Variants in CEP63 observed in about 807,000 individuals in gnomAD.
CEP63 encodes the protein centrosomal protein 63.
In CEP63, 84 loss-of-function variants were observed where a neutral mutation model predicts 89.1. That is an observed-to-expected ratio of 0.94 (90% confidence interval 0.79 to 1.13). The LOEUF (loss-of-function observed/expected upper bound fraction) is 1.13, where lower values mean the gene tolerates loss of function less well. Ranked by LOEUF, CEP63 falls within the 50% of genes most tolerant of loss-of-function variation. The probability of loss-of-function intolerance (pLI) is 0.00; values close to 1 mark genes in which losing one functional copy is unlikely to be tolerated. For synonymous variants in CEP63, 267 were observed against 272.5 expected (o/e 0.98, Z 0.20); for missense variants, 838 against 813.3 (o/e 1.03, Z -0.37).
intron 6 of CEP63, among the ~76,000 whole-genome samples, chr3:134,542,551 A>G (rs926883471): frequency 2.6e-5 from 4 of 152,300 alleles, no homozygotes; most frequent in African/African-American, 9.6e-5. Context: ...GATGCTTACA[A>G]TGGCCGTACC....
intron 1 of CEP63, among the ~76,000 whole-genome samples, chr3:134,489,451 G>T (rs1936894274): frequency 6.6e-6 from 1 of 152,088 alleles, no homozygotes; most frequent in African/African-American, 2.4e-5. Context: ...AGCAGTGTCT[G>T]AGTTGTTTTC....
the CEP63 span, among the ~76,000 whole-genome samples, chr3:134,665,376 C>A: frequency 6.6e-6 from 1 of 152,192 alleles, no homozygotes; most frequent in Admixed American, 6.5e-5. Flanking sequence ...GTGGCTGTTG[C>A]ACAAGCAAGG....
At chr3:134,582,284 C>G (rs1487846782) in intron 10 of CEP63, among the ~76,000 whole-genome samples, 1 of 152,152 alleles carries the variant, frequency 6.6e-6, no homozygotes, top group Non-Finnish European at 1.5e-5. Flanking sequence ...CACCCATCAA[C>G]TCATCATTTA....
At chr3:134,709,084 A>G in the CEP63 span, among the ~76,000 whole-genome samples, 1 of 152,194 alleles carries the variant, frequency 6.6e-6, no homozygotes, top group Non-Finnish European at 1.5e-5. Flanking sequence ...TACAGATGAA[A>G]GGATATTTTT....
At chr3:134,737,825 T>G in the CEP63 span, among the ~76,000 whole-genome samples, 1 of 152,210 alleles carries the variant, frequency 6.6e-6, no homozygotes, top group Non-Finnish European at 1.5e-5. Context: ...GCTATGTTCC[T>G]CAGTTCTCCA....
the CEP63 span, among the ~76,000 whole-genome samples, chr3:134,772,797 G>A: frequency 1.3e-5 from 2 of 152,168 alleles, no homozygotes; most frequent in Admixed American, 6.5e-5. Context: ...GCTCCCAAGA[G>A]GAAGCAGAGA....
chr3:134,738,867 G>T, the CEP63 span, among the ~76,000 whole-genome samples: 5 of 151,936 alleles, frequency 3.3e-5, no homozygotes, highest in Non-Finnish European at 7.4e-5. Flanking sequence ...TATGCAAGTG[G>T]CCAAAAAGCA....
the CEP63 span, among the ~76,000 whole-genome samples, chr3:134,725,883 G>A: frequency 6.6e-6 from 1 of 152,184 alleles, no homozygotes; most frequent in African/African-American, 2.4e-5. Flanking sequence ...GGGGCTCAGA[G>A]GAGCGAGGGC....
At chr3:134,695,063 A>G in the CEP63 span, among the ~76,000 whole-genome samples, 1 of 152,236 alleles carries the variant, frequency 6.6e-6, no homozygotes, top group African/African-American at 2.4e-5. Context: ...TCCTGACCAG[A>G]TAGCACAGGG....
the CEP63 span, among the ~76,000 whole-genome samples, chr3:134,779,254 C>T: frequency 1.3e-5 from 2 of 152,308 alleles, no homozygotes; most frequent in South Asian, 4.1e-4. Flanking sequence ...CCCTACTGCT[C>T]AGCTGAATAT....
At chr3:134,608,674 G>C in the CEP63 span, 7 of 1,613,944 alleles carry the variant, frequency 4.3e-6, no homozygotes, top group African/African-American at 9.3e-5. Flanking sequence ...AAGTCTCTGG[G>C]TGGGCACTCA....
chr3:134,516,371 C>G (rs966258723), intron 3 of CEP63, among the ~76,000 whole-genome samples: 15 of 152,274 alleles, frequency 9.9e-5, no homozygotes, highest in Non-Finnish European at 1.9e-4. Context: ...GGTTTTATAC[C>G]GAGACATTCC....
rs1954473800 is a variant in CEP63 at position 134,550,106 on chromosome 3, C to T, written c.1226C>T (p.Ala409Val). 1 of 1,613,884 alleles carries T rather than the reference C, an allele frequency of 6.2e-7. No homozygotes were observed. The highest frequency in any genetic ancestry group is 8.5e-7 in the Non-Finnish European group (1 of 1,179,816). Residue 409 changes from alanine (A) to valine (V), a missense_variant, in exon 11 of 15, where the codon GCA (alanine) becomes GTA (valine). Physicochemically the swap from Ala to Val is moderately conservative, Grantham distance 64. Transcript: ENST00000675561. Reference protein sequence around the residue: ...ILQGEQSYSSALEGMKMEISH... With the variant: ...ILQGEQSYSSVLEGMKMEISH... ...CAGGGTGAACAAAGTTACAGTTCTG[C>T]ACTAGAAGGAATGAAGATGGAAATC...
chr3:134,762,019 G>T, the CEP63 span, among the ~76,000 whole-genome samples: 9 of 152,160 alleles, frequency 5.9e-5, no homozygotes. Context: ...TTTGTAGCTT[G>T]TTGGGCAGAA....
intron 2 of CEP63, 66 bp downstream of exon 2, chr3:134,495,430 CAT>C (rs1198770494): frequency 2.0e-6 from 2 of 1,025,150 alleles, no homozygotes; most frequent in African/African-American, 1.6e-5. Context: ...ATAGGGTTCA[CAT>C]GATACTTTGA....
rs572978552 is a variant in CEP63 at position 134,564,369 on chromosome 3, A to G, written c.*2834A>G. The G allele has an allele frequency of 3.0e-6, 3 of 985,332 alleles. No individual in the cohort carries two copies. In the South Asian group the frequency reaches 1.4e-4, roughly 46 times the overall value. 61.0% of individuals were successfully genotyped at this position (985,332 alleles called of 1,614,324 possible). A position where few individuals can be genotyped will look rare whatever the true frequency, so the allele number is the denominator to read the frequency against. On this transcript the variant is annotated 3_prime_UTR_variant, in exon 15 of 15. Transcript: ENST00000675561. ...CCTAAAACTCCCCCTTTACTTGGCT[A>G]CTTTATCTGGCTTGGCAAAGCTTTC... is the stretch of plus-strand genomic sequence containing the variant.
chr3:134,730,678 TA>T, the CEP63 span, among the ~76,000 whole-genome samples: 1 of 151,740 alleles, frequency 6.6e-6, no homozygotes, highest in Non-Finnish European at 1.5e-5. Flanking sequence ...ACTATAAACT[TA>T]AAAAAATGAA....
intron 3 of CEP63, among the ~76,000 whole-genome samples, chr3:134,508,602 A>T (rs943762878): frequency 6.6e-6 from 1 of 152,200 alleles, no homozygotes; most frequent in East Asian, 1.9e-4. Context: ...ATGTGTGATT[A>T]TGATAATATT....
At position 134,564,802 on chromosome 3, in the gene CEP63, G is replaced by A. The variant is rs1957668617; in HGVS notation, c.*3267G>A. 1.0e-6 allele frequency: 1 copy of A among 985,242 alleles called. No homozygotes were observed. 61.0% of individuals were successfully genotyped at this position (985,242 alleles called of 1,614,324 possible). ...ACTGCAGCCCGTTTCTGAAACGTTT[G>A]TACTACGTGTTGACTAGGAGGAACA... On this transcript the variant is annotated 3_prime_UTR_variant, in exon 15 of 15. Coordinates refer to ENST00000675561, the MANE Select transcript of CEP63 (RefSeq NM_001353108.3).
Sources: gnomAD v4.1 joint callset for allele counts (sites outside exome capture counted in the v4.1 genomes callset) on GRCh38, gnomAD v4.1.1 for gene constraint, MANE v1.5 for transcripts, NCBI Gene and HGNC (gene_info 2026-07-23, HGNC 2026-07-21) for gene names.